PRKG2: variants seen among roughly 807,000 people sequenced by gnomAD.
PRKG2 encodes protein kinase cGMP-dependent 2, also known as cGMP-dependent protein kinase 2.
In PRKG2, 33 loss-of-function variants were observed where a neutral mutation model predicts 97.2. The observed-to-expected ratio is 0.34, with a 90% CI of 0.26 to 0.45. The LOEUF (loss-of-function observed/expected upper bound fraction) is 0.45. Ranked by LOEUF, PRKG2 falls within the 20% of genes least tolerant of loss-of-function variation. PRKG2 has a pLI of 1.00. For synonymous variants in PRKG2, 330 were observed against 321.8 expected (o/e 1.03, Z -0.27); for missense variants, 638 against 900.0 (o/e 0.71, Z 3.73).
At chr4:81,174,460 G>A (rs1156463170) in intron 3 of PRKG2, among the ~76,000 whole-genome samples, 2 of 151,968 alleles carry the variant, frequency 1.3e-5, no homozygotes, top group Non-Finnish European at 2.9e-5. Flanking sequence ...TATGATCTAT[G>A]TGGCGTTACC....
At chr4:81,188,554 C>T (rs1006475276) in intron 2 of PRKG2, among the ~76,000 whole-genome samples, 10 of 139,034 alleles carry the variant, frequency 7.2e-5, no homozygotes, top group Non-Finnish European at 1.3e-4. Flanking sequence ...AATCATGCTG[C>T]TATAAAGACA....
intron 8 of PRKG2, among the ~76,000 whole-genome samples, chr4:81,151,081 T>C (rs1418888016): frequency 1.3e-5 from 2 of 152,124 alleles, no homozygotes; most frequent in South Asian, 2.1e-4. Flanking sequence ...TCTGTACTTA[T>C]GTAAACCTGA....
chr4:81,160,177 C>T (rs1749493675), intron 6 of PRKG2, among the ~76,000 whole-genome samples: 2 of 151,970 alleles, frequency 1.3e-5, no homozygotes, highest in African/African-American at 4.8e-5. Flanking sequence ...TAATTGAAGA[C>T]ATAAAGAAAG....
intron 1 of PRKG2, among the ~76,000 whole-genome samples, chr4:81,206,774 C>T (rs185144084): frequency 1.3e-3 from 195 of 152,264 alleles, no homozygotes; most frequent in Admixed American, 2.9e-3. Context: ...ATAACTGTGA[C>T]CTCTACAACA....
intron 1 of PRKG2, among the ~76,000 whole-genome samples, chr4:81,212,905 G>A (rs1384666870): frequency 6.6e-6 from 1 of 152,170 alleles, no homozygotes; most frequent in Non-Finnish European, 1.5e-5. Context: ...CTGCAGGATA[G>A]CATCTCTAAT....
chr4:81,210,823 G>A (rs1002607524), intron 1 of PRKG2, among the ~76,000 whole-genome samples: 3 of 151,962 alleles, frequency 2.0e-5, no homozygotes, highest in Admixed American at 6.6e-5. Flanking sequence ...GTAGGTAAAC[G>A]GATAAACAAA....
At chr4:81,184,440 G>T (rs1448603536) in intron 2 of PRKG2, among the ~76,000 whole-genome samples, 2 of 152,122 alleles carry the variant, frequency 1.3e-5, no homozygotes, top group African/African-American at 4.8e-5. Context: ...GAAAGGAATA[G>T]CATCAACATC....
At chr4:81,140,120 T>C (rs973905341) in intron 12 of PRKG2, among the ~76,000 whole-genome samples, 8 of 151,916 alleles carry the variant, frequency 5.3e-5, no homozygotes, top group African/African-American at 1.9e-4. Context: ...TTCATGGAGA[T>C]AGAGAATAGA....
chr4:81,129,817 T>C lies in PRKG2; in HGVS notation c.1776+5338A>G, dbSNP rs1745982474. ...CACTCTGTGTCTTTTAATTGGGGCA[T>C]TTAGCTTGTTTACACTTAAGGTTAA... On this transcript the variant is annotated intron_variant, in intron 14 of 18. Transcript: ENST00000264399. 2.0e-5 allele frequency among the ~76,000 whole-genome samples: 3 copies of C among 152,200 alleles called. No homozygotes were observed. In the South Asian group the frequency reaches 6.2e-4, roughly 31 times the overall value.
At chr4:81,106,380 T>C (rs1743341671) in intron 15 of PRKG2, among the ~76,000 whole-genome samples, 1 of 151,878 alleles carries the variant, frequency 6.6e-6, no homozygotes, top group Admixed American at 6.6e-5. Context: ...GCCTGGGAGG[T>C]CCTGCATAGT....
intron 2 of PRKG2, among the ~76,000 whole-genome samples, chr4:81,198,921 A>C (rs183397814): frequency 1.1e-3 from 172 of 152,312 alleles, no homozygotes; most frequent in Non-Finnish European, 2.2e-3. Context: ...CTTTCACCAG[A>C]TATATCACCC....
In PRKG2 at chr4:81,170,830, G is replaced by T. The variant is rs375548174; in HGVS notation, c.742+861C>A. ...TTCATTGGTTTAATTAATTTCTCTG[G>T]CTTATAATATGGTCAGAACCTCGTT... On this transcript the variant is annotated intron_variant, in intron 4 of 18. Coordinates refer to ENST00000264399, the MANE Select transcript of PRKG2 (RefSeq NM_006259.3). 1.2e-4 allele frequency among the ~76,000 whole-genome samples: 18 copies of T among 151,596 alleles called. No individual in the cohort carries two copies. The East Asian group carries it at 2.3e-3, about 20-fold the overall frequency.
intron 1 of PRKG2, among the ~76,000 whole-genome samples, chr4:81,205,299 T>A (rs942417723): frequency 3.3e-5 from 5 of 152,106 alleles, no homozygotes; most frequent in Admixed American, 3.3e-4. Flanking sequence ...TTTGAGAGCA[T>A]AAGTATCACA....
intron 2 of PRKG2, 64 bp from the exon 3 acceptor site, chr4:81,175,023 C>T: frequency 7.2e-7 from 1 of 1,398,374 alleles, no homozygotes; most frequent in Non-Finnish European, 9.7e-7. Context: ...TATTTAGATT[C>T]ACTTTATTCT....
At chr4:81,113,390 A>G (rs1221965087) in intron 14 of PRKG2, among the ~76,000 whole-genome samples, 1 of 151,686 alleles carries the variant, frequency 6.6e-6, no homozygotes, top group Admixed American at 6.6e-5. Flanking sequence ...AAATTCTACT[A>G]GCAAAACTGA....
intron 8 of PRKG2, 133 bp downstream of exon 8, chr4:81,151,827 A>C: frequency 1.5e-6 from 1 of 658,644 alleles, no homozygotes; most frequent in Non-Finnish European, 2.5e-6. Context: ...TTAAGAAATC[A>C]CTTCAAAATA....
At chr4:81,097,115 T>C (rs765143149) in intron 17 of PRKG2, among the ~76,000 whole-genome samples, 4 of 151,764 alleles carry the variant, frequency 2.6e-5, no homozygotes, top group Non-Finnish European at 4.4e-5. Flanking sequence ...GTGAGCCATG[T>C]TTGTGCCACT....
At chr4:81,116,013 A>G (rs74652328) in intron 14 of PRKG2, among the ~76,000 whole-genome samples, 1 of 152,244 alleles carries the variant, frequency 6.6e-6, no homozygotes, top group East Asian at 1.9e-4. Flanking sequence ...AACTATACTA[A>G]ACTCTCTATT....
chr4:81,157,127 T>C (rs1403672749), intron 6 of PRKG2, among the ~76,000 whole-genome samples: 1 of 151,756 alleles, frequency 6.6e-6, no homozygotes, highest in Non-Finnish European at 1.5e-5. Flanking sequence ...TTCCAAAAAT[T>C]AACGAATCCA....
Sources: allele counts gnomAD v4.1 joint callset (sites outside exome capture counted in the v4.1 genomes callset), GRCh38; gene constraint gnomAD v4.1.1; transcripts MANE v1.5; gene names NCBI Gene and HGNC (gene_info 2026-07-23, HGNC 2026-07-21).